MLLT10: variants seen among roughly 807,000 people sequenced by gnomAD.
The protein encoded by MLLT10 is MLLT10 histone lysine methyltransferase DOT1L cofactor, also known as protein AF-10.
A neutral mutation model predicts 129.1 loss-of-function variants in MLLT10; 30 were observed. The observed-to-expected ratio is 0.23, with a 90% CI of 0.17 to 0.32. The LOEUF (loss-of-function observed/expected upper bound fraction) is 0.32. Among genes scored for constraint, MLLT10 ranks in the 10% least tolerant of loss-of-function variants. The pLI, the probability that MLLT10 is intolerant of heterozygous loss-of-function variation, is 1.00. For missense variants in MLLT10, 1,119 were observed against 1,268.3 expected (o/e 0.88, Z 1.79); for synonymous variants, 490 against 446.4 (o/e 1.10, Z -1.23).
chr10:21,693,406 C>A (rs1345796312), intron 13 of MLLT10, among the ~76,000 whole-genome samples: 1 of 151,878 alleles, frequency 6.6e-6, no homozygotes, highest in Non-Finnish European at 1.5e-5. Context: ...AGTTTCCTGA[C>A]CGTCTTTTTG....
intron 19 of MLLT10, 72 bp from the exon 20 acceptor site, chr10:21,733,690 TTTAAAC>T (rs1253766387): frequency 1.8e-4 from 275 of 1,516,132 alleles, no homozygotes; most frequent in African/African-American, 3.4e-4. Flanking sequence ...TGCAGTGTTC[TTTAAAC>T]TTAGTTTCTC....
intron 3 of MLLT10, among the ~76,000 whole-genome samples, chr10:21,558,848 G>T (rs1047139697): frequency 6.6e-6 from 1 of 151,846 alleles, no homozygotes; most frequent in African/African-American, 2.4e-5. Flanking sequence ...GCCTTTGTGC[G>T]AGAACCACAG....
At chr10:21,548,930 A>T (rs114291872) in intron 3 of MLLT10, among the ~76,000 whole-genome samples, 4,225 of 152,124 alleles carry the variant, frequency 0.028, 196 homozygotes, top group African/African-American at 0.095. Context: ...CTGGTGATAG[A>T]TGTCTTTATA....
rs755207714 is a variant in MLLT10 at position 21,651,708 on chromosome 10, C to T, written c.735C>T (p.His245=). The T allele has an allele frequency of 6.2e-6, 10 of 1,613,368 alleles. No individual in the cohort carries two copies. Among genetic ancestry groups the T allele is most frequent in the Non-Finnish European group, 8.5e-6 (10 of 1,179,642 alleles). ...AGAAGGACAAACACAAACAGAAACA[C>T]AAGAAGCAGCCAGAACCATCACCTG... ...YKEKDKHKQK[H]KKQPEPSPAL... Residue 245 remains histidine (H), a synonymous_variant, in exon 9 of 23, where the codon CAC becomes CAT. Transcript: ENST00000307729.
At chr10:21,545,148 A>G (rs2035873424) in intron 3 of MLLT10, among the ~76,000 whole-genome samples, 2 of 150,240 alleles carry the variant, frequency 1.3e-5, no homozygotes, top group Non-Finnish European at 3.0e-5. Flanking sequence ...TCCATCTCAG[A>G]AAAAAAAAAG....
In MLLT10 at chr10:21,576,242, C is replaced by CTT. The variant is rs556175778; in HGVS notation, c.241-10035_241-10034dup. Reference sequence around the variant, plus strand: ...ACCGCACACCCAGCCTATCCATTTACTTTTTTTTTTTTTTTTTTGAGATGG... The same window carrying CTT: ...ACCGCACACCCAGCCTATCCATTTACTTTTTTTTTTTTTTTTTTTTGAGATGG... On this transcript the variant is annotated intron_variant, in intron 3 of 22. Transcript: ENST00000307729. Among the ~76,000 whole-genome samples the CTT allele has an allele frequency of 5.3e-3, 684 of 128,046 alleles. 2 individuals are homozygous for CTT. Among genetic ancestry groups the CTT allele is most frequent in the Non-Finnish European group, 8.6e-3 (512 of 59,280 alleles). 84.0% of individuals were successfully genotyped at this position (128,046 alleles called of 152,430 possible).
At chr10:21,661,795 A>G (rs1487064787) in intron 9 of MLLT10, 1 of 152,182 alleles carries the variant, frequency 6.6e-6, no homozygotes, top group East Asian at 1.9e-4. Flanking sequence ...TCCTGTAGAC[A>G]ACATGTAGTT....
At chr10:21,607,003 C>G (rs1802320674) in intron 5 of MLLT10, among the ~76,000 whole-genome samples, 1 of 152,122 alleles carries the variant, frequency 6.6e-6, no homozygotes, top group African/African-American at 2.4e-5. Context: ...TAGTTCACAC[C>G]TTTAATCCCA....
At chr10:21,649,237 G>C (rs955661060) in intron 8 of MLLT10, among the ~76,000 whole-genome samples, 1 of 152,006 alleles carries the variant, frequency 6.6e-6, no homozygotes, top group Non-Finnish European at 1.5e-5. Context: ...CACCACACTT[G>C]GCTAATTTTT....
chr10:21,728,786 G>T (rs2057715664), intron 16 of MLLT10, among the ~76,000 whole-genome samples: 1 of 152,030 alleles, frequency 6.6e-6, no homozygotes, highest in African/African-American at 2.4e-5. Flanking sequence ...CCAGCGCTTT[G>T]GGAGGCCAAG....
At chr10:21,639,534 A>G (rs2047784559) in intron 8 of MLLT10, among the ~76,000 whole-genome samples, 1 of 152,216 alleles carries the variant, frequency 6.6e-6, no homozygotes, top group Non-Finnish European at 1.5e-5. Flanking sequence ...GAAGAGATGA[A>G]TAGTGTGAAG....
At chr10:21,717,494 C>T (rs1027995862) in intron 14 of MLLT10, among the ~76,000 whole-genome samples, 4 of 60,068 alleles carry the variant, frequency 6.7e-5, no homozygotes, top group Non-Finnish European at 7.1e-5. Context: ...CCTCCTCCTC[C>T]TCCTCCTCCT....
chr10:21,675,834 G>T (rs2052035754), intron 11 of MLLT10, among the ~76,000 whole-genome samples: 1 of 152,102 alleles, frequency 6.6e-6, no homozygotes, highest in African/African-American at 2.4e-5. Flanking sequence ...ATGCTTATTT[G>T]AAACACATCT....
Position 21,681,329 on chromosome 10 carries a change from C to A in MLLT10, c.1622-3C>A. 1 of 1,612,498 alleles carries A rather than the reference C, an allele frequency of 6.2e-7. No individual in the cohort carries two copies. The highest frequency in any genetic ancestry group is 8.5e-7 in the Non-Finnish European group (1 of 1,179,646). On this transcript the variant is annotated splice_polypyrimidine_tract_variant and splice_region_variant and intron_variant, in intron 11 of 22. Coordinates refer to ENST00000307729, the MANE Select transcript of MLLT10 (RefSeq NM_001195626.3). ...TGATTTCCTTTTTCCTTCCTCTCAA[C>A]AGAAATTTCCATGCAGTATCGGCAT... is the stretch of plus-strand genomic sequence containing the variant.
chr10:21,670,462 C>G lies in MLLT10; in HGVS notation c.809C>G (p.Thr270Ser). The change falls in exon 10 of 23, where the codon ACT becomes AGT. Residue 270 changes from threonine to serine, a missense_variant. Transcript: ENST00000307729. ...TCAAAATGTTAGACTTATACAAGCACTAGCAACAACTCTATATCTGGATCA... is the reference window on the plus strand; with the variant it reads ...TCAAAATGTTAGACTTATACAAGCAGTAGCAACAACTCTATATCTGGATCA... ...TVTTEKTYTS[T>S]SNNSISGSLK... 1 of 1,611,426 alleles carries G rather than the reference C, an allele frequency of 6.2e-7. No individual in the cohort carries two copies. The highest frequency in any genetic ancestry group is 8.5e-7 in the Non-Finnish European group (1 of 1,179,262).
At chr10:21,670,410 T>C in intron 9 of MLLT10, 39 bp from the exon 10 acceptor site, 1 of 1,558,502 alleles carries the variant, frequency 6.4e-7, no homozygotes, top group Non-Finnish European at 8.7e-7. Context: ...TAAAATGTAA[T>C]CAACTCTTTT....
chr10:21,702,475 G>GT (rs2055024806), intron 13 of MLLT10, among the ~76,000 whole-genome samples: 2 of 152,118 alleles, frequency 1.3e-5, no homozygotes, highest in Admixed American at 1.3e-4. Flanking sequence ...TCCAGTGTTC[G>GT]TTTTTTGATT....
At chr10:21,592,707 G>A (rs1439463827) in intron 4 of MLLT10, among the ~76,000 whole-genome samples, 1 of 151,976 alleles carries the variant, frequency 6.6e-6, no homozygotes. Context: ...CTCTTCATCC[G>A]CCCGCCTTGG....
At chr10:21,608,827 AT>A (rs745482447) in intron 5 of MLLT10, among the ~76,000 whole-genome samples, 290 of 152,114 alleles carry the variant, frequency 1.9e-3, no homozygotes, top group Non-Finnish European at 3.4e-3. Context: ...CAGATTTTCC[AT>A]TTGTTTGAGG....
Sources: gnomAD v4.1 joint callset for allele counts (sites outside exome capture counted in the v4.1 genomes callset) on GRCh38, gnomAD v4.1.1 for gene constraint, MANE v1.5 for transcripts, NCBI Gene and HGNC (gene_info 2026-07-23, HGNC 2026-07-21) for gene names.